SERPINA4: variants seen among roughly 807,000 people sequenced by gnomAD.
SERPINA4 encodes the protein serpin family A member 4, also known as kallistatin.
Under a neutral mutation model 25.4 loss-of-function variants are expected in SERPINA4, and 24 were observed. The observed-to-expected ratio is 0.95, with a 90% CI of 0.69 to 1.33. The LOEUF is 1.33. Among genes scored for constraint, SERPINA4 ranks in the 40% most tolerant of loss-of-function variants. SERPINA4 has a pLI of 0.00. For missense variants in SERPINA4, 553 were observed against 535.8 expected (o/e 1.03, Z -0.32); for synonymous variants, 242 against 223.6 (o/e 1.08, Z -0.73).
intron 1 of SERPINA4, among the ~76,000 whole-genome samples, chr14:94,562,141 G>T (rs1566828086): frequency 6.6e-6 from 1 of 152,194 alleles, no homozygotes; most frequent in Non-Finnish European, 1.5e-5. Flanking sequence ...ACATTTCAGT[G>T]TCCGTAAGTG....
intron 4 of SERPINA4, among the ~76,000 whole-genome samples, chr14:94,568,672 T>C (rs1902295532): frequency 6.6e-6 from 1 of 151,994 alleles, no homozygotes; most frequent in Non-Finnish European, 1.5e-5. Flanking sequence ...TTGGCCAAAA[T>C]GGTGAAACTC....
intron 2 of SERPINA4, among the ~76,000 whole-genome samples, chr14:94,565,345 T>C (rs866895434): frequency 1.3e-5 from 2 of 152,280 alleles, no homozygotes; most frequent in African/African-American, 4.8e-5. Context: ...AGAGCACTGC[T>C]GAGTCTGACC....
At chr14:94,564,439 C>T (rs929093919) in intron 2 of SERPINA4, among the ~76,000 whole-genome samples, 7 of 152,196 alleles carry the variant, frequency 4.6e-5, no homozygotes, top group Non-Finnish European at 1.0e-4. Context: ...ACCAACAGTG[C>T]AAACAGGTCA....
Position 94,563,838 on chromosome 14 carries a change from G to C in SERPINA4, c.356G>C (p.Arg119Thr). ...LTELSESDVHRGFQHLLHTLN... is the reference protein window; with the variant it reads ...LTELSESDVHTGFQHLLHTLN... ...GAGCTGTCTGAGTCCGATGTCCATA[G>C]GGGCTTCCAGCACCTCCTGCACACT... Residue 119 changes from arginine (R) to threonine (T), a missense_variant, in exon 2 of 5, where the codon AGG (arginine) becomes ACG (threonine). Physicochemically the swap from Arg to Thr is moderately conservative, Grantham distance 71. Coordinates refer to ENST00000557004, the MANE Select transcript of SERPINA4 (RefSeq NM_006215.4). 1 of 1,614,152 alleles carries C rather than the reference G, an allele frequency of 6.2e-7. No homozygotes were observed. Among genetic ancestry groups the C allele is most frequent in the Non-Finnish European group, 8.5e-7 (1 of 1,180,038 alleles).
At chr14:94,564,363 T>C (rs1902135098) in intron 2 of SERPINA4, among the ~76,000 whole-genome samples, 2 of 152,252 alleles carry the variant, frequency 1.3e-5, no homozygotes, top group Non-Finnish European at 2.9e-5. Flanking sequence ...AAAAATAATG[T>C]ATAAAATGCA....
chr14:94,569,768 C>A lies in SERPINA4; in HGVS notation c.*173C>A. 3.1e-6 allele frequency: 2 copies of A among 654,562 alleles called. No individual in the cohort carries two copies. The highest frequency in any genetic ancestry group is 3.8e-5 in the South Asian group (2 of 52,516). 40.5% of individuals were successfully genotyped at this position (654,562 alleles called of 1,614,324 possible). A position where few individuals can be genotyped will look rare whatever the true frequency, so the allele number is the denominator to read the frequency against. On this transcript the variant is annotated 3_prime_UTR_variant, in exon 5 of 5. Transcript: ENST00000557004. ...GGAGGGGCACTGAGATGGGCAGGGC[C>A]TGGACATTCCACACCCTGGTGCTGT...
rs989871946 is a variant in SERPINA4 at position 94,569,516 on chromosome 14, C to T, written c.1205C>T (p.Pro402Leu). ...CGCCACATCCTGCGATTCAACCGGC[C>T]CTTCCTTGTGGTGATCTTTTCCACC... Reference protein sequence around the residue: ...TNRHILRFNRPFLVVIFSTST... With the variant: ...TNRHILRFNRLFLVVIFSTST... The change falls in exon 5 of 5, where the codon CCC becomes CTC. Residue 402 changes from proline to leucine, a missense_variant. By Grantham distance (98) the Pro-to-Leu change is moderately conservative. Coordinates refer to ENST00000557004, the MANE Select transcript of SERPINA4 (RefSeq NM_006215.4). 2 of 1,614,210 alleles carry T rather than the reference C, an allele frequency of 1.2e-6. No homozygotes were observed. Among genetic ancestry groups the T allele is most frequent in the African/African-American group, 2.7e-5 (2 of 75,048 alleles).
At position 94,568,156 on chromosome 14, in the gene SERPINA4, T is replaced by C; in HGVS notation, c.951T>C (p.His317=). ...KRNFYKKLEL[H]LPKFSISGSY... ...ATTTTTACAAGAAGCTAGAGTTGCA[T>C]CTTCCCAAGTTCTCCATTTCTGGCT... The change falls in exon 4 of 5, where the codon CAT becomes CAC. Residue 317 remains histidine (H), a synonymous_variant. Transcript: ENST00000557004. 1 of 1,614,238 alleles carries C rather than the reference T, an allele frequency of 6.2e-7. No homozygotes were observed. The highest frequency in any genetic ancestry group is 1.1e-5 in the South Asian group (1 of 91,086).
At position 94,569,613 on chromosome 14, in the gene SERPINA4, A is replaced by T. The variant is rs775493002; in HGVS notation, c.*18A>T. On this transcript the variant is annotated 3_prime_UTR_variant, in exon 5 of 5. Coordinates refer to ENST00000557004, the MANE Select transcript of SERPINA4 (RefSeq NM_006215.4). ...AACCATAGCCCTCCCAGGGCTGCTC[A>T]TCTGTTCCAAGCAGGAGGATGTGGC... is the stretch of plus-strand genomic sequence containing the variant. 1.2e-6 allele frequency: 2 copies of T among 1,613,086 alleles called. No homozygotes were observed. The highest frequency in any genetic ancestry group is 3.3e-5 in the Admixed American group (2 of 60,012).
chr14:94,569,093 C>T (rs1016104975), intron 4 of SERPINA4, among the ~76,000 whole-genome samples: 1 of 152,136 alleles, frequency 6.6e-6, no homozygotes, highest in Admixed American at 6.5e-5. Flanking sequence ...ATTTTCCTCA[C>T]TTTTAAAATG....
chr14:94,567,375 C>T (rs919591385), intron 3 of SERPINA4, 132 bp downstream of exon 3: 16 of 945,294 alleles, frequency 1.7e-5, no homozygotes, highest in South Asian at 7.0e-5. Flanking sequence ...CTGAGAACTT[C>T]CATGGGCTTC....
At chr14:94,561,541 G>A (rs1230480012) in intron 1 of SERPINA4, 47 bp downstream of exon 1, 4 of 694,548 alleles carry the variant, frequency 5.8e-6, no homozygotes, top group Non-Finnish European at 8.3e-6. Flanking sequence ...CTAGAGGGAG[G>A]GTGACCAACT....
At position 94,563,520 on chromosome 14, in the gene SERPINA4, G is replaced by A; in HGVS notation, c.38G>A (p.Gly13Glu). 6.2e-7 allele frequency: 1 copy of A among 1,613,878 alleles called. No individual in the cohort carries two copies. The change falls in exon 2 of 5, where the codon GGA (glycine) becomes GAA (glutamate). Residue 13 changes from glycine to glutamate, a missense_variant. Transcript: ENST00000557004. ...LIDYLLLLLV[G>E]LLALSHGQLH... is the part of the protein sequence containing the mutation. The stretch of plus-strand genomic sequence containing the variant: ...GACTACCTGCTCCTCCTGCTGGTTG[G>A]ACTACTGGCCCTTTCTCATGGCCAG...
At chr14:94,564,260 C>A in intron 2 of SERPINA4, 129 bp downstream of exon 2, 1 of 898,838 alleles carries the variant, frequency 1.1e-6, no homozygotes, top group Non-Finnish European at 1.7e-6. Flanking sequence ...GTTGAGCAAC[C>A]CTCAGGGAAT....
Position 94,563,500 on chromosome 14 carries a change from C to T in SERPINA4, c.18C>T (p.Tyr6=). 1 of 1,613,318 alleles carries T rather than the reference C, an allele frequency of 6.2e-7. No individual in the cohort carries two copies. Residue 6 remains tyrosine, a synonymous_variant, in exon 2 of 5, where the codon TAC becomes TAT. Transcript: ENST00000557004. MHLID[Y]LLLLLVGLLA... ...TGCAGAGGATGCATCTTATCGACTA[C>T]CTGCTCCTCCTGCTGGTTGGACTAC...
At chr14:94,567,718 G>A (rs1007476997) in intron 3 of SERPINA4, among the ~76,000 whole-genome samples, 1 of 152,172 alleles carries the variant, frequency 6.6e-6, no homozygotes, top group African/African-American at 2.4e-5. Context: ...CTAGCCCAAG[G>A]GCACATGTGG....
chr14:94,565,621 G>A (rs1359904279), intron 2 of SERPINA4, among the ~76,000 whole-genome samples: 2 of 151,658 alleles, frequency 1.3e-5, no homozygotes, highest in African/African-American at 4.9e-5. Flanking sequence ...GCCAAGGCAG[G>A]TGGATATTGA....
At chr14:94,562,932 A>G (rs1481622486) in intron 1 of SERPINA4, among the ~76,000 whole-genome samples, 1 of 152,234 alleles carries the variant, frequency 6.6e-6, no homozygotes, top group East Asian at 1.9e-4. Context: ...GGGTCAAACT[A>G]AATGGCTGAA....
rs751574089 is a variant in SERPINA4, at chr14:94,568,161, C to T, written c.956C>T (p.Pro319Leu). The T allele has an allele frequency of 1.9e-6, 3 of 1,614,216 alleles. No individual in the cohort carries two copies. In the Admixed American group the frequency reaches 5.0e-5, roughly 27 times the overall value. Reference protein sequence around the residue: ...NFYKKLELHLPKFSISGSYVL... With the variant: ...NFYKKLELHLLKFSISGSYVL... ...TACAAGAAGCTAGAGTTGCATCTTC[C>T]CAAGTTCTCCATTTCTGGCTCCTAT... is the stretch of plus-strand genomic sequence containing the variant. The change falls in exon 4 of 5, where the codon CCC becomes CTC. Residue 319 changes from proline to leucine, a missense_variant. Coordinates refer to ENST00000557004, the MANE Select transcript of SERPINA4 (RefSeq NM_006215.4).
Sources: gnomAD v4.1 joint callset for allele counts (sites outside exome capture counted in the v4.1 genomes callset) on GRCh38, gnomAD v4.1.1 for gene constraint, MANE v1.5 for transcripts, NCBI Gene and HGNC (gene_info 2026-07-23, HGNC 2026-07-21) for gene names.